The following MS4A4E variants were observed in gnomAD, a reference collection of about 807,000 sequenced individuals.
The protein encoded by MS4A4E is membrane spanning 4-domains A4E.
Under a neutral mutation model 13.3 loss-of-function variants are expected in MS4A4E, and 23 were observed. That is an observed-to-expected ratio of 1.73 (90% CI 1.25 to 2.45). MS4A4E has a LOEUF of 2.45. Among genes scored for constraint, MS4A4E ranks in the 30% most tolerant of loss-of-function variants. The probability of loss-of-function intolerance (pLI) is 0.00; values close to 1 mark genes in which losing one functional copy is unlikely to be tolerated. For synonymous variants in MS4A4E, 36 were observed against 45.6 expected (o/e 0.79, Z 0.85); for missense variants, 144 against 131.2 (o/e 1.10, Z -0.48).
intron 4 of MS4A4E, among the ~76,000 whole-genome samples, chr11:60,214,045 C>T (rs766458405): frequency 7.9e-5 from 12 of 152,028 alleles, no homozygotes; most frequent in Admixed American, 6.5e-4. Flanking sequence ...GCTGGGATTA[C>T]AGGCGCCCGT....
At chr11:60,218,978 C>T (rs1309283890) in intron 3 of MS4A4E, among the ~76,000 whole-genome samples, 1 of 152,096 alleles carries the variant, frequency 6.6e-6, no homozygotes, top group Admixed American at 6.6e-5. Context: ...AGTTTATTTG[C>T]TTGGTTAGCT....
chr11:60,206,491 A>ATATATATATATGTATATATATG (rs1565116712), intron 6 of MS4A4E, among the ~76,000 whole-genome samples: 1 of 83,606 alleles, frequency 1.2e-5, no homozygotes, highest in African/African-American at 4.8e-5. Flanking sequence ...ATATATATGT[A>ATATATATATATGTATATATATG]TATATATACG....
At chr11:60,219,186 A>C (rs1415763940) in intron 3 of MS4A4E, among the ~76,000 whole-genome samples, 2 of 152,154 alleles carry the variant, frequency 1.3e-5, no homozygotes, top group African/African-American at 4.8e-5. Flanking sequence ...TAGATTTGAG[A>C]GGGCAGCACT....
chr11:60,200,572 A>G lies in MS4A4E; in HGVS notation c.*971T>C, dbSNP rs1046823647. Among the ~76,000 whole-genome samples, 13 of 152,276 alleles carry G rather than the reference A, an allele frequency of 8.5e-5. No homozygotes were observed. Among genetic ancestry groups the G allele is most frequent in the African/African-American group, 2.9e-4 (12 of 41,560 alleles). On this transcript the variant is annotated 3_prime_UTR_variant, in exon 9 of 9. Transcript: ENST00000651255. Reference sequence around the variant, plus strand: ...CCTTAATCCATTTAACCCTGAGTGGACACAGCACATGTTTCAGAGAGCACA... The same window carrying G: ...CCTTAATCCATTTAACCCTGAGTGGGCACAGCACATGTTTCAGAGAGCACA...
chr11:60,222,116 C>T (rs2084277086), intron 3 of MS4A4E, among the ~76,000 whole-genome samples: 1 of 152,216 alleles, frequency 6.6e-6, no homozygotes, highest in Admixed American at 6.5e-5. Context: ...GAATGATCAG[C>T]CAGCTACTTG....
At chr11:60,209,521 G>A (rs182551236) in intron 5 of MS4A4E, among the ~76,000 whole-genome samples, 1 of 152,292 alleles carries the variant, frequency 6.6e-6, no homozygotes, top group African/African-American at 2.4e-5. Flanking sequence ...TAACCAAACT[G>A]TATTGTCTTG....
At chr11:60,220,076 C>T (rs574239209) in intron 3 of MS4A4E, among the ~76,000 whole-genome samples, 1 of 152,302 alleles carries the variant, frequency 6.6e-6, no homozygotes, top group South Asian at 2.1e-4. Context: ...TTAGAGCTGC[C>T]TCTACCTAGA....
At chr11:60,236,171 C>A (rs755883603) in intron 1 of MS4A4E, among the ~76,000 whole-genome samples, 3 of 152,104 alleles carry the variant, frequency 2.0e-5, no homozygotes, top group Admixed American at 6.6e-5. Context: ...ATATGTCTGT[C>A]CTTATGCCAA....
Position 60,236,106 on chromosome 11 carries a change from A to T in MS4A4E, c.-16-6035T>A, listed in dbSNP as rs142318419. Among the ~76,000 whole-genome samples, 36 of 152,320 alleles carry T rather than the reference A, an allele frequency of 2.4e-4. No homozygotes were observed. In the East Asian group the frequency reaches 6.9e-3, roughly 29 times the overall value. On this transcript the variant is annotated intron_variant, in intron 1 of 8. Transcript: ENST00000651255. ...TAGAGGTTTATTTCTAGATGATTCT[A>T]TTCCATCCCATTTTTATTTTTAGAC...
chr11:60,226,883 T>A (rs2084350836), intron 3 of MS4A4E, among the ~76,000 whole-genome samples: 1 of 152,176 alleles, frequency 6.6e-6, no homozygotes, highest in African/African-American at 2.4e-5. Flanking sequence ...GTGTAGAATA[T>A]CTGAAAGAAT....
intron 2 of MS4A4E, 131 bp from the exon 3 acceptor site, chr11:60,228,758 A>T (rs1284723700): frequency 1.1e-5 from 5 of 457,614 alleles, no homozygotes; most frequent in Non-Finnish European, 1.9e-5. Flanking sequence ...TTCAGTACTA[A>T]AAATAAATGA....
At chr11:60,225,035 A>G in intron 3 of MS4A4E, 4 of 1,565,208 alleles carry the variant, frequency 2.6e-6, no homozygotes, top group Non-Finnish European at 1.7e-6. Context: ...ACTAAATGCA[A>G]CACACATCAT....
chr11:60,224,765 T>C (rs1786998369), intron 3 of MS4A4E, among the ~76,000 whole-genome samples: 2 of 152,200 alleles, frequency 1.3e-5, no homozygotes, highest in South Asian at 2.1e-4. Context: ...AACTGACTTA[T>C]ATAAAGTATT....
rs545909562 is a variant in MS4A4E at position 60,229,841 on chromosome 11, T to C, written c.144+71A>G. On this transcript the variant is annotated intron_variant, in intron 2 of 8. Coordinates refer to ENST00000651255, the MANE Select transcript of MS4A4E (RefSeq NM_001393391.1). Reference sequence around the variant, plus strand: ...TTATGAGGCTAGCGGGACAGTGTATTGGGCATTAGCTCTGATCAAATGTGA... The same window carrying C: ...TTATGAGGCTAGCGGGACAGTGTATCGGGCATTAGCTCTGATCAAATGTGA... 6.1e-6 allele frequency: 9 copies of C among 1,465,880 alleles called. No homozygotes were observed. In the African/African-American group the frequency reaches 1.3e-4, roughly 21 times the overall value. The allele number at this position is 1,465,880 out of a possible 1,614,324, so 90.8% of individuals were successfully genotyped here.
chr11:60,204,416 CA>C (rs1353671865), intron 8 of MS4A4E, among the ~76,000 whole-genome samples: 1 of 152,152 alleles, frequency 6.6e-6, no homozygotes, highest in Non-Finnish European at 1.5e-5. Context: ...CAAATTACAT[CA>C]ACTCAACTAG....
chr11:60,223,037 G>C (rs575347189), intron 3 of MS4A4E, among the ~76,000 whole-genome samples: 6 of 151,924 alleles, frequency 3.9e-5, no homozygotes, highest in Admixed American at 3.3e-4. Flanking sequence ...GAAGGTTTTG[G>C]TCACTCCACC....
chr11:60,236,519 G>C (rs1475802081), intron 1 of MS4A4E, among the ~76,000 whole-genome samples: 2 of 151,608 alleles, frequency 1.3e-5, no homozygotes, highest in Non-Finnish European at 2.9e-5. Flanking sequence ...TGCTTATTTT[G>C]ATAAATTTTG....
At chr11:60,225,087 G>T in intron 3 of MS4A4E, 2 of 1,545,250 alleles carry the variant, frequency 1.3e-6, no homozygotes, top group African/African-American at 1.4e-5. Context: ...ATCAGAATCC[G>T]CACAACCTAG....
intron 8 of MS4A4E, among the ~76,000 whole-genome samples, chr11:60,202,126 C>T (rs1402305937): frequency 6.6e-6 from 1 of 152,226 alleles, no homozygotes; most frequent in Admixed American, 6.5e-5. Flanking sequence ...AACTTCAACC[C>T]AGCAGAGCAG....
Sources: allele counts gnomAD v4.1 joint callset (sites outside exome capture counted in the v4.1 genomes callset), GRCh38; gene constraint gnomAD v4.1.1; transcripts MANE v1.5; gene names NCBI Gene and HGNC (gene_info 2026-07-23, HGNC 2026-07-21).